KCNH1: variants seen among roughly 807,000 people sequenced by gnomAD.
The protein encoded by KCNH1 is potassium voltage-gated channel subfamily H member 1.
Under a neutral mutation model 69.2 loss-of-function variants are expected in KCNH1, and 27 were observed. That is an observed-to-expected ratio of 0.39 (90% CI 0.29 to 0.54). The LOEUF is 0.54. Among genes scored for constraint, KCNH1 ranks in the 20% least tolerant of loss-of-function variants. KCNH1 has a pLI of 0.68. For missense variants in KCNH1, 798 were observed against 1,261.6 expected, an observed-to-expected ratio of 0.63 and a Z score of 5.57; for synonymous variants, 456 against 487.7, an observed-to-expected ratio of 0.93 and a Z score of 0.86.
intron 7 of KCNH1, among the ~76,000 whole-genome samples, chr1:210,805,384 T>C (rs1684529737): frequency 6.6e-6 from 1 of 152,174 alleles, no homozygotes; most frequent in African/African-American, 2.4e-5. Flanking sequence ...AATAAAATCA[T>C]CACCACTATC....
intron 6 of KCNH1, among the ~76,000 whole-genome samples, chr1:211,004,782 T>C (rs1689247505): frequency 6.6e-6 from 1 of 152,090 alleles, no homozygotes; most frequent in Non-Finnish European, 1.5e-5. Context: ...AAGGTTTATG[T>C]TAAGGGATAG....
chr1:211,106,621 C>T (rs564643073), intron 2 of KCNH1, among the ~76,000 whole-genome samples: 39 of 83,242 alleles, frequency 4.7e-4, no homozygotes, highest in Non-Finnish European at 7.9e-4. Flanking sequence ...CCCATCTCTA[C>T]TAAAAATACA....
chr1:210,707,916 G>A (rs1260272317), intron 10 of KCNH1, among the ~76,000 whole-genome samples: 5 of 152,138 alleles, frequency 3.3e-5, no homozygotes, highest in Non-Finnish European at 5.9e-5. Flanking sequence ...GGCAAATGAG[G>A]TCTTCTTTTT....
intron 9 of KCNH1, among the ~76,000 whole-genome samples, chr1:210,792,385 CTTCCT>C (rs1247161794): frequency 5.3e-5 from 8 of 152,204 alleles, no homozygotes; most frequent in Admixed American, 5.2e-4. Context: ...TAACCTCTGC[CTTCCT>C]TTCAATTGCA....
chr1:210,846,248 C>A (rs966822815), intron 7 of KCNH1, among the ~76,000 whole-genome samples: 1 of 152,074 alleles, frequency 6.6e-6, no homozygotes, highest in African/African-American at 2.4e-5. Context: ...TGATATGGAA[C>A]CAAAAAAGAG....
At chr1:210,739,418 C>T (rs961066979) in intron 10 of KCNH1, among the ~76,000 whole-genome samples, 22 of 151,868 alleles carry the variant, frequency 1.4e-4, no homozygotes, top group Non-Finnish European at 3.1e-4. Context: ...GTTAGGGAGC[C>T]CCCCCAAGCA....
chr1:211,039,774 C>T (rs1459460744), intron 5 of KCNH1, among the ~76,000 whole-genome samples: 6 of 152,136 alleles, frequency 3.9e-5, no homozygotes, highest in Admixed American at 3.9e-4. Flanking sequence ...GTACCTGTAC[C>T]CCCACTGTGT....
intron 10 of KCNH1, among the ~76,000 whole-genome samples, chr1:210,714,279 AG>A (rs1404396435): frequency 3.3e-5 from 5 of 152,006 alleles, no homozygotes; most frequent in Admixed American, 3.3e-4. Flanking sequence ...AGGGGAGTAA[AG>A]TAAAGTATAG....
At chr1:210,882,310 C>G (rs1415206547) in intron 7 of KCNH1, among the ~76,000 whole-genome samples, 1 of 152,116 alleles carries the variant, frequency 6.6e-6, no homozygotes, top group East Asian at 1.9e-4. Context: ...AGCAATATTC[C>G]TCAAATGGAG....
intron 6 of KCNH1, among the ~76,000 whole-genome samples, chr1:210,964,828 C>T (rs563209390): frequency 2.3e-4 from 35 of 152,190 alleles, no homozygotes; most frequent in South Asian, 1.9e-3. Context: ...ATATCCCTGA[C>T]GAACATCAAT....
At chr1:210,908,979 A>C (rs142563817) in intron 7 of KCNH1, among the ~76,000 whole-genome samples, 303 of 152,322 alleles carry the variant, frequency 2.0e-3, no homozygotes, top group African/African-American at 6.9e-3. Flanking sequence ...CTCCTTGCCA[A>C]GCTTTCTTGC....
At chr1:210,839,434 G>A (rs1481909438) in intron 7 of KCNH1, among the ~76,000 whole-genome samples, 1 of 152,152 alleles carries the variant, frequency 6.6e-6, no homozygotes, top group Non-Finnish European at 1.5e-5. Context: ...TGGAAGGTGA[G>A]GGGTGGGAAG....
At chr1:210,856,881 A>ATC (rs1473653869) in intron 7 of KCNH1, among the ~76,000 whole-genome samples, 7 of 132,510 alleles carry the variant, frequency 5.3e-5, no homozygotes, top group African/African-American at 1.9e-4. Context: ...AACCCACTAT[A>ATC]TATATATATA....
At chr1:210,987,938 G>A (rs1461554115) in intron 6 of KCNH1, among the ~76,000 whole-genome samples, 2 of 152,220 alleles carry the variant, frequency 1.3e-5, no homozygotes, top group Admixed American at 6.5e-5. Context: ...CACCAAGTTC[G>A]AGGTTCCTGG....
At chr1:210,725,381 G>T (rs1277588114) in intron 10 of KCNH1, among the ~76,000 whole-genome samples, 1 of 152,150 alleles carries the variant, frequency 6.6e-6, no homozygotes, top group East Asian at 1.9e-4. Context: ...TCTAGATACT[G>T]CCCTATACAC....
chr1:210,715,295 G>T (rs975808628), intron 10 of KCNH1, among the ~76,000 whole-genome samples: 1 of 152,178 alleles, frequency 6.6e-6, no homozygotes, highest in African/African-American at 2.4e-5. Flanking sequence ...CTGCAAGAGG[G>T]TAGGGAGGGA....
intron 10 of KCNH1, among the ~76,000 whole-genome samples, chr1:210,751,592 T>C (rs1471348907): frequency 3.3e-5 from 5 of 151,960 alleles, no homozygotes; most frequent in African/African-American, 9.6e-5. Context: ...GTGTAGTGGG[T>C]AGGGGCCACT....
rs371262198 is a variant in KCNH1 at position 210,683,289 on chromosome 1, C to A, written c.2962G>T (p.Ala988Ser). 1.2e-4 allele frequency: 196 copies of A among 1,612,726 alleles called. 3 individuals are homozygous for A. In the Middle Eastern group the frequency reaches 1.3e-3, roughly 11 times the overall value. ...SPESERDIFG[A>S]S ...TTTTTTAAATAGACCTCTCAGCTGG[C>A]TCCAAAAATGTCTCTCTCTGATTCT... is the stretch of plus-strand genomic sequence containing the variant. Residue 988 changes from alanine to serine, a missense_variant, in exon 11 of 11, where the codon GCC (alanine) becomes TCC (serine). By Grantham distance (99) the Ala-to-Ser change is moderately conservative. Transcript: ENST00000271751. The surrounding 1 kb of genome is among the most constrained non-coding windows in gnomAD (Gnocchi z 5.7).
At chr1:210,875,705 A>C (rs1379175390) in intron 7 of KCNH1, among the ~76,000 whole-genome samples, 1 of 151,872 alleles carries the variant, frequency 6.6e-6, no homozygotes, top group African/African-American at 2.4e-5. Context: ...CGGGAAGCTG[A>C]GGTGGGAGGA....
Sources: allele counts gnomAD v4.1 joint callset (sites outside exome capture counted in the v4.1 genomes callset), GRCh38; gene constraint gnomAD v4.1.1; non-coding constraint Gnocchi (gnomAD v3.1); transcripts MANE v1.5; gene names NCBI Gene and HGNC (gene_info 2026-07-23, HGNC 2026-07-21).